The following DNAJC25 variants were observed in gnomAD, a reference collection of about 807,000 sequenced individuals.
DNAJC25 encodes dnaJ homolog subfamily C member 25.
DNAJC25 carries 26 observed loss-of-function variants against 42.1 expected under a neutral mutation model. That is an observed-to-expected ratio of 0.62 (90% CI 0.45 to 0.86). The LOEUF is 0.86. DNAJC25 is among the 40% of genes least tolerant of loss of function. The pLI, the probability that DNAJC25 is intolerant of heterozygous loss-of-function variation, is 0.00. For missense variants in DNAJC25, 404 were observed against 459.4 expected, an observed-to-expected ratio of 0.88 and a Z score of 1.10; for synonymous variants, 189 against 179.9, an observed-to-expected ratio of 1.05 and a Z score of -0.40.
intron 1 of DNAJC25, among the ~76,000 whole-genome samples, chr9:111,643,740 A>G (rs1830523305): frequency 6.6e-6 from 1 of 152,158 alleles, no homozygotes; most frequent in Non-Finnish European, 1.5e-5. Flanking sequence ...GATTAAAAAA[A>G]AAAAAAAAAT....
rs1201932277 is a variant in DNAJC25 at position 111,653,486 on chromosome 9, T to C, written c.*264T>C. ...ATTTATTAGTTGCCATTTAAAATTT[T>C]TATATGTTTAGTTAAAAGATTTGAC... On this transcript the variant is annotated 3_prime_UTR_variant, in exon 4 of 4. Coordinates refer to ENST00000313525, the MANE Select transcript of DNAJC25 (RefSeq NM_001015882.3). The C allele has an allele frequency of 3.8e-6, 1 of 266,150 alleles. No homozygotes were observed. Among genetic ancestry groups the C allele is most frequent in the East Asian group, 7.3e-5 (1 of 13,770 alleles). The allele number at this position is 266,150 out of a possible 1,614,324, so 16.5% of individuals were successfully genotyped here. A position where few individuals can be genotyped will look rare whatever the true frequency, so the allele number is the denominator to read the frequency against.
Position 111,645,226 on chromosome 9 carries a change from T to C in DNAJC25, c.337-1881T>C, listed in dbSNP as rs12378684. ...TGAATGTAATGAATATGGGAGAACT[T>C]ACTGAGAATGATCTCACACAGATTC... On this transcript the variant is annotated intron_variant, in intron 1 of 3. Transcript: ENST00000313525. Among the ~76,000 whole-genome samples, 1,225 of 152,184 alleles carry C rather than the reference T, an allele frequency of 8.0e-3. 19 individuals carry two copies. The highest frequency in any genetic ancestry group is 0.028 in the African/African-American group (1,153 of 41,498).
intron 1 of DNAJC25, chr9:111,642,925 G>A: frequency 2.1e-6 from 1 of 471,080 alleles, no homozygotes; most frequent in South Asian, 1.5e-5. Context: ...AGTTATTCCT[G>A]TAGAGATTAG....
intron 3 of DNAJC25, 43 bp from the exon 4 acceptor site, chr9:111,653,057 T>A: frequency 6.7e-7 from 1 of 1,494,948 alleles, no homozygotes; most frequent in Non-Finnish European, 8.9e-7. Context: ...TGGCAAATGT[T>A]CCTCTTTGGA....
intron 1 of DNAJC25, among the ~76,000 whole-genome samples, chr9:111,646,106 A>G (rs1176817405): frequency 1.3e-5 from 2 of 152,192 alleles, no homozygotes; most frequent in African/African-American, 4.8e-5. Context: ...GGTTTTTATT[A>G]TACTCATATA....
rs1475479637 is a variant in DNAJC25, at chr9:111,647,260, G to A, written c.489+1G>A. 1.2e-6 allele frequency: 2 copies of A among 1,613,888 alleles called. No individual in the cohort carries two copies. Among genetic ancestry groups the A allele is most frequent in the African/African-American group, 2.7e-5 (2 of 74,906 alleles). ...CGTGTGTGCTATTTCGGTGTTTCAG[G>A]TATGTATCAATGGATATTTTTATCT... On this transcript the variant is annotated splice_donor_variant, in intron 2 of 3. Coordinates refer to ENST00000313525, the MANE Select transcript of DNAJC25 (RefSeq NM_001015882.3). LOFTEE classifies it high-confidence loss of function.
intron 1 of DNAJC25, among the ~76,000 whole-genome samples, chr9:111,646,090 T>C (rs1043856821): frequency 6.6e-6 from 1 of 152,238 alleles, no homozygotes; most frequent in African/African-American, 2.4e-5. Flanking sequence ...CTTTTGTTTT[T>C]GTAATGGTTT....
intron 1 of DNAJC25, among the ~76,000 whole-genome samples, chr9:111,639,686 T>A (rs538618011): frequency 2.1e-5 from 3 of 142,340 alleles, no homozygotes; most frequent in Non-Finnish European, 4.5e-5. Flanking sequence ...TTCAAAAAAA[T>A]GTGTGTGTGT....
chr9:111,652,571 C>T (rs1334668158), intron 3 of DNAJC25, among the ~76,000 whole-genome samples: 2 of 145,832 alleles, frequency 1.4e-5, no homozygotes, highest in South Asian at 2.2e-4. Flanking sequence ...GATGGAGTTT[C>T]ACTCTTGTTG....
intron 1 of DNAJC25, 147 bp downstream of exon 1, chr9:111,631,890 C>T: frequency 7.3e-7 from 1 of 1,378,744 alleles, no homozygotes; most frequent in Non-Finnish European, 9.3e-7. Context: ...TCACGTTTCC[C>T]ACGTGGCCCT....
At chr9:111,642,871 C>G (rs1227472128) in intron 1 of DNAJC25, 1 of 471,052 alleles carries the variant, frequency 2.1e-6, no homozygotes. Flanking sequence ...CCTGCATATG[C>G]CCAAGAGGAT....
chr9:111,631,589 G>T lies in DNAJC25; in HGVS notation c.182G>T (p.Gly61Val). The change falls in exon 1 of 4, where the codon GGC becomes GTC. Residue 61 changes from glycine to valine, a missense_variant. Gly to Val is a moderately radical substitution (Grantham distance 109, BLOSUM62 -3). Transcript: ENST00000313525. ...YEVLGVSRSAGKAEIARAYRQ... is the reference protein window; with the variant it reads ...YEVLGVSRSAVKAEIARAYRQ... ...GTGCTGGGCGTGAGCCGCTCGGCGGGCAAGGCGGAGATCGCGCGGGCCTAC... is the reference window on the plus strand; with the variant it reads ...GTGCTGGGCGTGAGCCGCTCGGCGGTCAAGGCGGAGATCGCGCGGGCCTAC... 6.8e-7 allele frequency: 1 copy of T among 1,469,618 alleles called. No individual in the cohort carries two copies. Among genetic ancestry groups the T allele is most frequent in the Non-Finnish European group, 8.9e-7 (1 of 1,118,854 alleles). The allele number at this position is 1,469,618 out of a possible 1,614,324, so 91.0% of individuals were successfully genotyped here.
rs1177592934 is a variant in DNAJC25 at position 111,653,083 on chromosome 9, G to C, written c.961-17G>C. The C allele has an allele frequency of 6.4e-7, 1 of 1,568,920 alleles. No individual in the cohort carries two copies. Among genetic ancestry groups the C allele is most frequent in the Admixed American group, 1.8e-5 (1 of 54,070 alleles). On this transcript the variant is annotated splice_polypyrimidine_tract_variant and intron_variant, in intron 3 of 3. Transcript: ENST00000313525. ...CCTCTTTGGATTGTGAAGTCATCTAGTTATTTATACTTACAGGTCTACAAG... is the reference window on the plus strand; with the variant it reads ...CCTCTTTGGATTGTGAAGTCATCTACTTATTTATACTTACAGGTCTACAAG...
intron 1 of DNAJC25, among the ~76,000 whole-genome samples, 183 bp downstream of exon 1, chr9:111,631,926 G>A (rs1017994485): frequency 7.2e-5 from 11 of 152,240 alleles, no homozygotes; most frequent in African/African-American, 2.7e-4. Context: ...CGGCCCCACG[G>A]GGCCTTGGGG....
chr9:111,642,963 C>T (rs1386250455), intron 1 of DNAJC25: 1 of 470,734 alleles, frequency 2.1e-6, no homozygotes, highest in Non-Finnish European at 4.4e-6. Flanking sequence ...CCCTGCTTGT[C>T]AAGGCTCAGG....
chr9:111,653,034 G>C (rs1436685686), intron 3 of DNAJC25, 66 bp from the exon 4 acceptor site: 4 of 1,413,254 alleles, frequency 2.8e-6, no homozygotes, highest in Non-Finnish European at 3.7e-6. Context: ...ATGTAAATAT[G>C]CCATAAAGCT....
intron 3 of DNAJC25, among the ~76,000 whole-genome samples, chr9:111,650,944 A>G (rs186904798): frequency 1.3e-4 from 20 of 152,292 alleles, no homozygotes; most frequent in Non-Finnish European, 1.2e-4. Context: ...GAATTGCCCG[A>G]TGTTTTACCA....
At chr9:111,647,916 C>T (rs980862094) in intron 2 of DNAJC25, among the ~76,000 whole-genome samples, 3 of 152,116 alleles carry the variant, frequency 2.0e-5, no homozygotes, top group Non-Finnish European at 4.4e-5. Flanking sequence ...GTAGCTGGGA[C>T]TACAGGCGCG....
chr9:111,649,125 A>C (rs929551349), intron 2 of DNAJC25, among the ~76,000 whole-genome samples: 3 of 152,222 alleles, frequency 2.0e-5, no homozygotes, highest in Admixed American at 6.5e-5. Flanking sequence ...AAATTTTTTA[A>C]AGTGATCTAG....
Sources: gnomAD v4.1 joint callset for allele counts (sites outside exome capture counted in the v4.1 genomes callset) on GRCh38, gnomAD v4.1.1 for gene constraint, MANE v1.5 for transcripts, NCBI Gene and HGNC (gene_info 2026-07-23, HGNC 2026-07-21) for gene names.